Variants in SPON1 observed in about 807,000 individuals in gnomAD.
SPON1 encodes spondin-1.
A neutral mutation model predicts 111.7 loss-of-function variants in SPON1; 52 were observed. The ratio of observed to expected loss-of-function variants is 0.47; its 90% CI spans 0.37 to 0.59. SPON1 has a LOEUF of 0.59. SPON1 is among the 20% of genes least tolerant of loss of function. The pLI, the probability that SPON1 is intolerant of heterozygous loss-of-function variation, is 0.00. For synonymous variants in SPON1, 410 were observed against 395.8 expected (o/e 1.04, Z -0.43); for missense variants, 957 against 1,068.5 (o/e 0.90, Z 1.46).
intron 6 of SPON1, among the ~76,000 whole-genome samples, chr11:14,193,872 C>T (rs979673870): frequency 1.3e-5 from 2 of 152,228 alleles, no homozygotes; most frequent in East Asian, 1.9e-4. Context: ...CCCACAGAGC[C>T]TTTTGACAGT....
chr11:14,185,141 C>T (rs1848273413), intron 6 of SPON1, among the ~76,000 whole-genome samples: 1 of 152,194 alleles, frequency 6.6e-6, no homozygotes, highest in South Asian at 2.1e-4. Context: ...AATGCACATG[C>T]TTTTGCTAAA....
At chr11:13,964,071 A>G (rs1847996801) in intron 1 of SPON1, among the ~76,000 whole-genome samples, 1 of 152,162 alleles carries the variant, frequency 6.6e-6, no homozygotes, top group African/African-American at 2.4e-5. Context: ...AGGCAGTTCG[A>G]CCAGCACCGA....
intron 2 of SPON1, among the ~76,000 whole-genome samples, chr11:14,029,847 G>T (rs1225064395): frequency 6.6e-6 from 1 of 152,156 alleles, no homozygotes; most frequent in Non-Finnish European, 1.5e-5. Flanking sequence ...CTTTGTATAT[G>T]AATTCATATA....
rs782204979 is a variant in SPON1, at chr11:14,262,779, C to T, written c.2064C>T (p.His688=). The part of the protein sequence containing the change: ...SECNKSCGKG[H]VIRTRMIQME... ...GTAACAAGTCATGTGGGAAAGGCCA[C>T]GTGATTCGAACCCGGATGATCCAAA... Residue 688 remains histidine, a synonymous_variant, in exon 15 of 16, where the codon CAC becomes CAT. Coordinates refer to ENST00000576479, the MANE Select transcript of SPON1 (RefSeq NM_006108.4). The T allele has an allele frequency of 1.7e-5, 28 of 1,613,846 alleles. No individual in the cohort carries two copies. Among genetic ancestry groups the T allele is most frequent in the East Asian group, 2.2e-5 (1 of 44,888 alleles).
chr11:14,136,620 A>G (rs1591385520), intron 6 of SPON1, among the ~76,000 whole-genome samples: 1 of 152,154 alleles, frequency 6.6e-6, no homozygotes, highest in African/African-American at 2.4e-5. Flanking sequence ...GGAGGCAACA[A>G]AGGTCACTCT....
intron 1 of SPON1, among the ~76,000 whole-genome samples, chr11:13,964,730 C>A (rs1278349692): frequency 6.6e-6 from 1 of 152,186 alleles, no homozygotes; most frequent in Admixed American, 6.5e-5. Flanking sequence ...GAGCGAGCCG[C>A]GCCGACGGGC....
intron 2 of SPON1, among the ~76,000 whole-genome samples, chr11:13,985,318 C>T (rs782521517): frequency 2.0e-4 from 31 of 152,354 alleles, no homozygotes; most frequent in African/African-American, 6.0e-4. Context: ...CATATGATAA[C>T]GACAATAGCT....
At chr11:14,013,624 A>G (rs1554913962) in intron 2 of SPON1, among the ~76,000 whole-genome samples, 1 of 152,160 alleles carries the variant, frequency 6.6e-6, no homozygotes, top group Non-Finnish European at 1.5e-5. Context: ...TAGTTTTGAA[A>G]GTTGCTTGTC....
At chr11:14,150,429 T>C (rs1847773051) in intron 6 of SPON1, among the ~76,000 whole-genome samples, 2 of 151,950 alleles carry the variant, frequency 1.3e-5, no homozygotes, top group African/African-American at 4.8e-5. Context: ...ATCTACAGTA[T>C]GTTTTCAAAT....
intron 8 of SPON1, among the ~76,000 whole-genome samples, chr11:14,255,214 C>T (rs1407260044): frequency 6.6e-6 from 1 of 152,244 alleles, no homozygotes; most frequent in Non-Finnish European, 1.5e-5. Flanking sequence ...CCTCCAAGTA[C>T]ATATTATCTG....
intron 2 of SPON1, among the ~76,000 whole-genome samples, chr11:14,022,524 C>G (rs1848488266): frequency 6.6e-6 from 1 of 152,162 alleles, no homozygotes; most frequent in Admixed American, 6.5e-5. Context: ...AATATTGGCT[C>G]TGTTCATTAG....
At chr11:14,042,749 C>G (rs1554917426) in intron 3 of SPON1, among the ~76,000 whole-genome samples, 1 of 152,160 alleles carries the variant, frequency 6.6e-6, no homozygotes, top group East Asian at 1.9e-4. Context: ...CAGCCCACCC[C>G]TGAGGAGATC....
chr11:14,181,962 T>C (rs1848238851), intron 6 of SPON1, among the ~76,000 whole-genome samples: 1 of 152,216 alleles, frequency 6.6e-6, no homozygotes, highest in Non-Finnish European at 1.5e-5. Context: ...GACAAGACTA[T>C]GCTGAACAGA....
chr11:14,154,058 A>G (rs1847814980), intron 6 of SPON1, among the ~76,000 whole-genome samples: 1 of 152,176 alleles, frequency 6.6e-6, no homozygotes, highest in African/African-American at 2.4e-5. Flanking sequence ...TATGCAGGGT[A>G]TAGCCCCTGC....
At chr11:14,033,869 T>C (rs1356304547) in intron 2 of SPON1, among the ~76,000 whole-genome samples, 1 of 152,318 alleles carries the variant, frequency 6.6e-6, no homozygotes, top group African/African-American at 2.4e-5. Context: ...CAGATTAAGA[T>C]TTCTCCGTCT....
chr11:14,001,457 C>T (rs1848318407), intron 2 of SPON1, among the ~76,000 whole-genome samples: 1 of 152,188 alleles, frequency 6.6e-6, no homozygotes, highest in African/African-American at 2.4e-5. Flanking sequence ...TTACCAGAGT[C>T]TTATCTGATC....
intron 6 of SPON1, among the ~76,000 whole-genome samples, chr11:14,144,125 A>T (rs1346637674): frequency 2.0e-5 from 3 of 152,222 alleles, no homozygotes; most frequent in African/African-American, 7.2e-5. Flanking sequence ...TACGTGTACA[A>T]AGCATGGCTT....
chr11:14,146,504 G>A (rs1186123338), intron 6 of SPON1, among the ~76,000 whole-genome samples: 4 of 151,958 alleles, frequency 2.6e-5, no homozygotes, highest in South Asian at 2.1e-4. Context: ...ACTTGGATAA[G>A]AAACCAAATA....
At chr11:13,998,034 A>G (rs575379885) in intron 2 of SPON1, among the ~76,000 whole-genome samples, 1 of 152,316 alleles carries the variant, frequency 6.6e-6, no homozygotes, top group African/African-American at 2.4e-5. Context: ...AACAACACAC[A>G]CAGTGCTGGG....
Sources: gnomAD v4.1 joint callset for allele counts (sites outside exome capture counted in the v4.1 genomes callset) on GRCh38, gnomAD v4.1.1 for gene constraint, MANE v1.5 for transcripts, NCBI Gene and HGNC (gene_info 2026-07-23, HGNC 2026-07-21) for gene names.